The following MYBPC1 variants were observed in gnomAD, a reference collection of about 807,000 sequenced individuals.
The protein encoded by MYBPC1 is myosin-binding protein C, slow-type.
A neutral mutation model predicts 147.1 loss-of-function variants in MYBPC1; 52 were observed. That is an observed-to-expected ratio of 0.35 (90% CI 0.28 to 0.45). The LOEUF (loss-of-function observed/expected upper bound fraction) is 0.45, where lower values mean the gene tolerates loss of function less well. MYBPC1 is among the 20% of genes least tolerant of loss of function. The pLI is 1.00. For synonymous variants in MYBPC1, 477 were observed against 475.9 expected (o/e 1.00, Z -0.03); for missense variants, 1,228 against 1,440.3 (o/e 0.85, Z 2.39).
At chr12:101,598,556 G>T (rs2135522615) in intron 1 of MYBPC1, among the ~76,000 whole-genome samples, 1 of 152,056 alleles carries the variant, frequency 6.6e-6, no homozygotes, top group South Asian at 2.1e-4. Context: ...CTGTTAACTG[G>T]ATTCCTTTAA....
At chr12:101,685,190 A>G (rs1951281047) in intron 31 of MYBPC1, among the ~76,000 whole-genome samples, 1 of 152,208 alleles carries the variant, frequency 6.6e-6, no homozygotes, top group African/African-American at 2.4e-5. Context: ...ACAAACTGGA[A>G]GCAGATCTTC....
intron 3 of MYBPC1, among the ~76,000 whole-genome samples, chr12:101,622,922 C>T (rs1887757148): frequency 6.6e-6 from 1 of 152,162 alleles, no homozygotes; most frequent in Non-Finnish European, 1.5e-5. Flanking sequence ...TTTCATGATA[C>T]TCTGAAGCGC....
At chr12:101,622,375 A>T (rs995458187) in intron 3 of MYBPC1, among the ~76,000 whole-genome samples, 2 of 152,194 alleles carry the variant, frequency 1.3e-5, no homozygotes, top group African/African-American at 4.8e-5. Flanking sequence ...TTAAGGTCAG[A>T]ATCCCAATAT....
At chr12:101,661,841 G>A (rs1173997290) in intron 20 of MYBPC1, among the ~76,000 whole-genome samples, 1 of 145,334 alleles carries the variant, frequency 6.9e-6, no homozygotes, top group Non-Finnish European at 1.5e-5. Flanking sequence ...AGGTTGCAGT[G>A]AGCCAAGATC....
intron 1 of MYBPC1, among the ~76,000 whole-genome samples, chr12:101,599,589 G>A (rs775523847): frequency 3.3e-5 from 5 of 152,070 alleles, no homozygotes; most frequent in African/African-American, 7.2e-5. Flanking sequence ...TTCAAACACC[G>A]AAATCAATTT....
At chr12:101,667,962 A>G in intron 23 of MYBPC1, 63 bp downstream of exon 23, 3 of 1,552,926 alleles carry the variant, frequency 1.9e-6, no homozygotes, top group Non-Finnish European at 2.6e-6. Context: ...TTTTTCTTCA[A>G]ACTACTTTCT....
At position 101,649,333 on chromosome 12, in the gene MYBPC1, A is replaced by C; in HGVS notation, c.1270A>C (p.Ile424Leu). ...YRIRVEGKKH[I>L]LIIEGATKAD... Reference sequence around the variant, plus strand: ...AATTAGAGTTGAGGGTAAAAAACACATCTTGATCATAGAGGGAGCAACAAA... The same window carrying C: ...AATTAGAGTTGAGGGTAAAAAACACCTCTTGATCATAGAGGGAGCAACAAA... The change falls in exon 15 of 32, where the codon ATC (isoleucine) becomes CTC (leucine). Residue 424 changes from isoleucine (I) to leucine (L), a missense_variant. Physicochemically the swap from Ile to Leu is conservative, Grantham distance 5. This residue lies in a region of MYBPC1 where 1,077 missense variants were observed against 1,314.2 expected (regional missense o/e 0.82). Coordinates refer to ENST00000361466, the MANE Select transcript of MYBPC1 (RefSeq NM_002465.4). 1 of 1,614,038 alleles carries C rather than the reference A, an allele frequency of 6.2e-7. No individual in the cohort carries two copies. Among genetic ancestry groups the C allele is most frequent in the Non-Finnish European group, 8.5e-7 (1 of 1,179,908 alleles).
downstream of MYBPC1, chr12:101,686,050 C>T (rs118004460): frequency 0.012 from 1,941 of 155,368 alleles, 22 homozygotes; most frequent in Non-Finnish European, 0.02. Context: ...TCTTGAAAAC[C>T]CATCTTTCTC....
At position 101,642,570 on chromosome 12, in the gene MYBPC1, G is replaced by A. The variant is rs1892275013; in HGVS notation, c.817G>A (p.Glu273Lys). The A allele has an allele frequency of 1.2e-6, 2 of 1,611,724 alleles. No homozygotes were observed. The highest frequency in any genetic ancestry group is 1.3e-5 in the African/African-American group (1 of 74,906). The change falls in exon 11 of 32, where the codon GAG becomes AAG. Residue 273 changes from glutamate to lysine, a missense_variant. By Grantham distance (56) the Glu-to-Lys change is moderately conservative (BLOSUM62 1). This residue lies in a region of MYBPC1 where 1,077 missense variants were observed against 1,314.2 expected (regional missense o/e 0.82). Transcript: ENST00000361466. ...LKRLKRMRRE[E>K]KKSAAFAKIL... ...GCGACTCAAGCGCATGCGCAGAGAG[G>A]AGAAGAAGAGCGCAGGTGAGCGCTC...
rs756816752 is a variant in MYBPC1, at chr12:101,682,624, A to C, written c.3454A>C (p.Thr1152Pro). 6.2e-7 allele frequency: 1 copy of C among 1,613,078 alleles called. No individual in the cohort carries two copies. Residue 1152 changes from threonine to proline, a missense_variant, in exon 30 of 32, where the codon ACC becomes CCC. By Grantham distance (38) the Thr-to-Pro change is conservative (BLOSUM62 -1). This residue lies in a region of MYBPC1 where 1,077 missense variants were observed against 1,314.2 expected (regional missense o/e 0.82). Coordinates refer to ENST00000361466, the MANE Select transcript of MYBPC1 (RefSeq NM_002465.4). ...EVKVIYQGVN[T>P]PGQPVFLEGQ... ...TGCAGTGATATATCAAGGAGTAAAT[A>C]CCCCTGGACAACCAGTCTTCCTGGA...
chr12:101,659,116 A>T (rs936539399), intron 18 of MYBPC1, among the ~76,000 whole-genome samples: 1 of 152,258 alleles, frequency 6.6e-6, no homozygotes, highest in African/African-American at 2.4e-5. Flanking sequence ...TTTGGGAATT[A>T]GATGTGCATT....
intron 29 of MYBPC1, among the ~76,000 whole-genome samples, chr12:101,680,980 T>C (rs1032135398): frequency 2.6e-5 from 4 of 152,252 alleles, no homozygotes; most frequent in Non-Finnish European, 4.4e-5. Context: ...TATTTTCTGA[T>C]ATTTATAGAA....
chr12:101,683,705 A>AT (rs1267673106), intron 30 of MYBPC1, among the ~76,000 whole-genome samples: 3 of 152,204 alleles, frequency 2.0e-5, no homozygotes, highest in Admixed American at 2.0e-4. Flanking sequence ...ATGCAACCTG[A>AT]TAAAAACCCT....
chr12:101,669,646 T>A (rs2136630844), intron 23 of MYBPC1, among the ~76,000 whole-genome samples: 1 of 152,222 alleles, frequency 6.6e-6, no homozygotes, highest in East Asian at 1.9e-4. Flanking sequence ...TTAGAAACTA[T>A]GAATAACTGG....
intron 3 of MYBPC1, among the ~76,000 whole-genome samples, chr12:101,623,200 G>A (rs1432987289): frequency 6.6e-6 from 1 of 152,150 alleles, no homozygotes; most frequent in African/African-American, 2.4e-5. Flanking sequence ...TTAGCTGGGT[G>A]TGGTGGCAGA....
At chr12:101,669,994 G>C (rs1395753278) in intron 23 of MYBPC1, 1 of 408,668 alleles carries the variant, frequency 2.4e-6, no homozygotes, top group Non-Finnish European at 4.6e-6. Context: ...GGCCCTAAGA[G>C]AAAATGTATT....
intron 1 of MYBPC1, among the ~76,000 whole-genome samples, chr12:101,595,640 C>A (rs1010419291): frequency 6.6e-6 from 1 of 151,368 alleles, no homozygotes; most frequent in African/African-American, 2.4e-5. Flanking sequence ...TTTGGAGGTT[C>A]GTTATTAAAT....
At chr12:101,693,114 T>A in the MYBPC1 span, among the ~76,000 whole-genome samples, 4 of 151,794 alleles carry the variant, frequency 2.6e-5, no homozygotes, top group South Asian at 8.3e-4. Flanking sequence ...GCGCGGCTAA[T>A]TTTTTGTATT....
the MYBPC1 span, among the ~76,000 whole-genome samples, chr12:101,694,121 T>C: frequency 3.9e-5 from 6 of 152,296 alleles, no homozygotes; most frequent in Admixed American, 6.5e-5. Context: ...AAAATAAACC[T>C]CTATTCCATT....
Sources: allele counts gnomAD v4.1 joint callset (sites outside exome capture counted in the v4.1 genomes callset), GRCh38; gene constraint gnomAD v4.1.1; regional missense constraint gnomAD v4.1.1; transcripts MANE v1.5; gene names NCBI Gene and HGNC (gene_info 2026-07-23, HGNC 2026-07-21).